MTMR12: variants seen among roughly 807,000 people sequenced by gnomAD.
MTMR12 encodes myotubularin related protein 12, also known as myotubularin-related protein 12.
Under a neutral mutation model 96.7 loss-of-function variants are expected in MTMR12, and 33 were observed. That is an observed-to-expected ratio of 0.34 (90% confidence interval 0.26 to 0.46). The LOEUF is 0.46. MTMR12 is among the 20% of genes least tolerant of loss of function. MTMR12 has a pLI of 1.00. For missense variants in MTMR12, 721 were observed against 896.1 expected, an observed-to-expected ratio of 0.80 and a Z score of 2.49; for synonymous variants, 298 against 327.2, an observed-to-expected ratio of 0.91 and a Z score of 0.96.
In MTMR12 at chr5:32,247,843, G is replaced by A. The variant is rs976092544; in HGVS notation, c.1021+159C>T. The A allele has an allele frequency of 4.1e-6, 4 of 973,724 alleles. No individual in the cohort carries two copies. The Admixed American group carries it at 1.8e-4, about 45-fold the overall frequency. The allele number at this position is 973,724 out of a possible 1,614,324, so 60.3% of individuals were successfully genotyped here. On this transcript the variant is annotated intron_variant, in intron 10 of 15. Transcript: ENST00000382142. The stretch of plus-strand genomic sequence containing the variant: ...CCTGGAGAGAGATGGAGAGGGAAGT[G>A]TGGTAATGGCAGCCAGACCCCTGGC...
chr5:32,233,730 G>C lies in MTMR12; in HGVS notation c.1674+43C>G, dbSNP rs756039223. The stretch of plus-strand genomic sequence containing the variant: ...GTACCTTTTATCATTACATGCACGG[G>C]GTCTGGGCAGCTGAAGGGGGTTTAG... On this transcript the variant is annotated intron_variant, in intron 15 of 15. Transcript: ENST00000382142. The surrounding 1 kb of genome is among the most constrained non-coding windows in gnomAD (Gnocchi z 5.0). 3 of 1,613,146 alleles carry C rather than the reference G, an allele frequency of 1.9e-6. No homozygotes were observed. The highest frequency in any genetic ancestry group is 2.5e-6 in the Non-Finnish European group (3 of 1,179,186).
At chr5:32,290,496 C>T (rs1199908836) in intron 1 of MTMR12, among the ~76,000 whole-genome samples, 1 of 152,220 alleles carries the variant, frequency 6.6e-6, no homozygotes, top group Non-Finnish European at 1.5e-5. Context: ...TAAGTTGCTA[C>T]ATTTGGCCCC....
chr5:32,291,084 C>G (rs1349666388), intron 1 of MTMR12, among the ~76,000 whole-genome samples: 1 of 152,140 alleles, frequency 6.6e-6, no homozygotes, highest in East Asian at 1.9e-4. Flanking sequence ...GGCTCAAATG[C>G]CCATGGTCTC....
chr5:32,253,022 T>C (rs1749000877), intron 8 of MTMR12, among the ~76,000 whole-genome samples: 1 of 152,180 alleles, frequency 6.6e-6, no homozygotes, highest in Non-Finnish European at 1.5e-5. Flanking sequence ...CAGAAAACAG[T>C]CCAGATCACC....
chr5:32,269,541 G>T (rs1039301154), intron 5 of MTMR12, among the ~76,000 whole-genome samples: 4 of 151,898 alleles, frequency 2.6e-5, no homozygotes, highest in Non-Finnish European at 5.9e-5. Context: ...CTGACCTCAG[G>T]TGATCCACCC....
intron 8 of MTMR12, among the ~76,000 whole-genome samples, chr5:32,254,124 C>T (rs4626351): frequency 0.44 from 67,133 of 152,028 alleles, 15,758 homozygotes; most frequent in African/African-American, 0.6. Context: ...TCCTCTTTTC[C>T]AGACCCCTCT....
chr5:32,249,322 C>G (rs1349205020), intron 8 of MTMR12, among the ~76,000 whole-genome samples: 1 of 152,124 alleles, frequency 6.6e-6, no homozygotes, highest in African/African-American at 2.4e-5. Context: ...GATGGAAGGA[C>G]TTTCCCAAGT....
At chr5:32,231,381 C>CAAAAAAAAAAA (rs548654471) in intron 15 of MTMR12, among the ~76,000 whole-genome samples, 30 of 47,188 alleles carry the variant, frequency 6.4e-4, no homozygotes, top group African/African-American at 1.9e-3. Flanking sequence ...CTCTGGCTCG[C>CAAAAAAAAAAA]AAAAAAAAAA....
intron 1 of MTMR12, among the ~76,000 whole-genome samples, chr5:32,309,996 C>T (rs545179857): frequency 2.0e-5 from 3 of 152,228 alleles, no homozygotes; most frequent in Admixed American, 6.5e-5. Context: ...TCCGGCAAGC[C>T]CACTGCTAGG....
intron 7 of MTMR12, among the ~76,000 whole-genome samples, chr5:32,257,770 AAAAAC>A (rs1363301118): frequency 2.0e-5 from 3 of 150,556 alleles, no homozygotes; most frequent in African/African-American, 7.5e-5. Context: ...TCTGTCTCAA[AAAAAC>A]AAACAAACAA....
intron 15 of MTMR12, among the ~76,000 whole-genome samples, chr5:32,231,034 T>C (rs1000281653): frequency 6.6e-6 from 1 of 152,166 alleles, no homozygotes; most frequent in African/African-American, 2.4e-5. Flanking sequence ...ATTTTCATAT[T>C]TCCCCCCTTG....
intron 1 of MTMR12, among the ~76,000 whole-genome samples, chr5:32,293,621 A>G (rs1750822072): frequency 6.6e-6 from 1 of 152,026 alleles, no homozygotes; most frequent in Non-Finnish European, 1.5e-5. Context: ...GCTAACACTC[A>G]CTTTCTCGGG....
At chr5:32,249,642 G>A (rs545645987) in intron 8 of MTMR12, among the ~76,000 whole-genome samples, 1 of 152,198 alleles carries the variant, frequency 6.6e-6, no homozygotes, top group Non-Finnish European at 1.5e-5. Context: ...AACAAGGCAA[G>A]GAGAAAGAAG....
chr5:32,232,084 G>A (rs1040450690), intron 15 of MTMR12, among the ~76,000 whole-genome samples: 1 of 152,190 alleles, frequency 6.6e-6, no homozygotes, highest in Non-Finnish European at 1.5e-5. Context: ...GAGCACTCAA[G>A]ACCAGCTGAC....
rs1379555648 is a variant in MTMR12 at position 32,263,138 on chromosome 5, T to C, written c.688A>G (p.Asn230Asp). Reference protein sequence around the residue: ...GNMKYKAVSVNEGYKVCERLP... With the variant: ...GNMKYKAVSVDEGYKVCERLP... ...CTCTCACAGACTTTATAGCCTTCGT[T>C]GACACTCACTGCTTTGTACTTCATG... The change falls in exon 7 of 16, where the codon AAC becomes GAC. Residue 230 changes from asparagine (N) to aspartate (D), a missense_variant. By Grantham distance (23) the Asn-to-Asp change is conservative (BLOSUM62 1). Transcript: ENST00000382142. 1.9e-6 allele frequency: 3 copies of C among 1,614,096 alleles called. No homozygotes were observed. In the African/African-American group the frequency reaches 4.0e-5, roughly 22 times the overall value.
chr5:32,266,513 C>T (rs1330386816), intron 6 of MTMR12, among the ~76,000 whole-genome samples: 2 of 151,790 alleles, frequency 1.3e-5, no homozygotes, highest in South Asian at 2.1e-4. Context: ...CATAGTGAAA[C>T]CCTGTCTCTA....
At chr5:32,304,619 T>C (rs922256895) in intron 1 of MTMR12, among the ~76,000 whole-genome samples, 5 of 152,152 alleles carry the variant, frequency 3.3e-5, no homozygotes, top group Non-Finnish European at 7.4e-5. Flanking sequence ...TTTAAGATGT[T>C]TAGAGAAAGA....
In MTMR12 at chr5:32,263,725, A is replaced by G. The variant is rs537147564; in HGVS notation, c.584-483T>C. On this transcript the variant is annotated intron_variant, in intron 6 of 15. Transcript: ENST00000382142. The stretch of plus-strand genomic sequence containing the variant: ...AGTGCTGGGATTACAGGAGTGAGCC[A>G]TCGCGCCAGGCCAGCTGTCTTTTTA... Among the ~76,000 whole-genome samples the G allele has an allele frequency of 8.7e-4, 132 of 152,306 alleles. 1 individual carries two copies. The highest frequency in any genetic ancestry group is 2.9e-3 in the African/African-American group (122 of 41,574).
At chr5:32,310,877 C>CT (rs58830358) in intron 1 of MTMR12, among the ~76,000 whole-genome samples, 41,772 of 144,852 alleles carry the variant, frequency 0.29, 6,118 homozygotes, top group Middle Eastern at 0.43. Flanking sequence ...AGATTTCTTT[C>CT]TTTTTTTTTT....
Sources: gnomAD v4.1 joint callset for allele counts (sites outside exome capture counted in the v4.1 genomes callset) on GRCh38, gnomAD v4.1.1 for gene constraint, Gnocchi (gnomAD v3.1) non-coding constraint, MANE v1.5 for transcripts, NCBI Gene and HGNC (gene_info 2026-07-23, HGNC 2026-07-21) for gene names.